Variants in ERC1 observed in about 807,000 individuals in gnomAD.
The protein encoded by ERC1 is RAB6 interacting protein 2.
Under a neutral mutation model 132.0 loss-of-function variants are expected in ERC1, and 56 were observed. The ratio of observed to expected loss-of-function variants is 0.42; its 90% confidence interval spans 0.34 to 0.53. The LOEUF is 0.53. Among genes scored for constraint, ERC1 ranks in the 20% least tolerant of loss-of-function variants. The pLI is 0.03. For missense variants in ERC1, 1,202 were observed against 1,349.9 expected, an observed-to-expected ratio of 0.89 and a Z score of 1.72; for synonymous variants, 478 against 476.1, an observed-to-expected ratio of 1.00 and a Z score of -0.05.
intron 8 of ERC1, among the ~76,000 whole-genome samples, chr12:1,172,401 A>T (rs1263501180): frequency 1.3e-5 from 2 of 152,172 alleles, no homozygotes; most frequent in African/African-American, 4.8e-5. Context: ...TCAGGAGTTC[A>T]AGGATGCAGT....
At chr12:1,303,133 A>G (rs1046845025) in intron 15 of ERC1, among the ~76,000 whole-genome samples, 3 of 152,132 alleles carry the variant, frequency 2.0e-5, no homozygotes, top group South Asian at 2.1e-4. Context: ...TCCTGCCTCT[A>G]TCTTGATGGC....
chr12:1,399,673 T>C (rs1194186383), intron 16 of ERC1, among the ~76,000 whole-genome samples: 1 of 152,234 alleles, frequency 6.6e-6, no homozygotes, highest in East Asian at 1.9e-4. Flanking sequence ...TTCTTTAACT[T>C]GGCATCATGT....
intron 8 of ERC1, among the ~76,000 whole-genome samples, chr12:1,164,499 A>G (rs111869605): frequency 0.051 from 6,890 of 135,988 alleles, 517 homozygotes; most frequent in African/African-American, 0.17. Flanking sequence ...CCGCCACCGC[A>G]CCCAGATAAT....
chr12:1,138,130 TATATA>T (rs1490885090), intron 7 of ERC1, among the ~76,000 whole-genome samples: 12 of 113,390 alleles, frequency 1.1e-4, no homozygotes, highest in African/African-American at 1.5e-4. Flanking sequence ...ATACATATTA[TATATA>T]ATATAATTAT....
intron 2 of ERC1, among the ~76,000 whole-genome samples, chr12:1,063,849 T>C (rs2154177266): frequency 6.6e-6 from 1 of 152,322 alleles, no homozygotes; most frequent in Non-Finnish European, 1.5e-5. Context: ...AGTTTCTCTT[T>C]CTCATTTGTA....
At chr12:1,419,633 G>C (rs1024326775) in intron 17 of ERC1, among the ~76,000 whole-genome samples, 1 of 151,616 alleles carries the variant, frequency 6.6e-6, no homozygotes, top group South Asian at 2.1e-4. Flanking sequence ...ATAAAACCTT[G>C]TGAAAAACCA....
chr12:1,225,000 GA>G (rs1340100760), intron 12 of ERC1, among the ~76,000 whole-genome samples: 1 of 151,796 alleles, frequency 6.6e-6, no homozygotes, highest in African/African-American at 2.4e-5. Flanking sequence ...AGAAAGAAAA[GA>G]AAAGAAAATG....
At chr12:1,391,814 T>A (rs2089984134) in intron 16 of ERC1, among the ~76,000 whole-genome samples, 1 of 152,234 alleles carries the variant, frequency 6.6e-6, no homozygotes, top group African/African-American at 2.4e-5. Flanking sequence ...GAGAGTGGGC[T>A]CCTGTTGAAG....
chr12:1,331,118 CAG>C (rs1293864786), intron 15 of ERC1, among the ~76,000 whole-genome samples: 8 of 152,162 alleles, frequency 5.3e-5, no homozygotes, highest in African/African-American at 1.9e-4. Context: ...AATCAAGAAA[CAG>C]AATATTCCCA....
At chr12:1,241,654 TAC>T (rs1491346487) in intron 13 of ERC1, among the ~76,000 whole-genome samples, 1 of 152,068 alleles carries the variant, frequency 6.6e-6, no homozygotes, top group Non-Finnish European at 1.5e-5. Flanking sequence ...TAACTTAACT[TAC>T]AAAACATAGA....
intron 1 of ERC1, among the ~76,000 whole-genome samples, chr12:1,006,036 C>T (rs1963510572): frequency 6.6e-6 from 1 of 151,460 alleles, no homozygotes; most frequent in Non-Finnish European, 1.5e-5. Flanking sequence ...TGGCTCACTG[C>T]AACCTCTGCT....
In ERC1 at chr12:1,189,943, A is replaced by C. The variant is rs2154276844; in HGVS notation, c.2242A>C (p.Lys748Gln). Residue 748 changes from lysine (K) to glutamine (Q), a missense_variant, in exon 12 of 19, where the codon AAA (lysine) becomes CAA (glutamine). Transcript: ENST00000360905. ...CTTGGAGAGAGAGATCACCAGGTACAAAGATGAATCTAGCAAGGCCCAGGC... is the reference window on the plus strand; with the variant it reads ...CTTGGAGAGAGAGATCACCAGGTACCAAGATGAATCTAGCAAGGCCCAGGC... ...QHLEREITRY[K>Q]DESSKAQAEV... is the part of the protein sequence containing the mutation. 1 of 1,614,184 alleles carries C rather than the reference A, an allele frequency of 6.2e-7. No homozygotes were observed. The highest frequency in any genetic ancestry group is 1.1e-5 in the South Asian group (1 of 91,076).
At chr12:1,135,996 A>G (rs919710149) in intron 7 of ERC1, among the ~76,000 whole-genome samples, 8 of 152,230 alleles carry the variant, frequency 5.3e-5, no homozygotes, top group African/African-American at 1.7e-4. Flanking sequence ...GGAGACTGTT[A>G]AGATATAATG....
At chr12:1,016,499 CAT>C (rs1347155906) in intron 1 of ERC1, among the ~76,000 whole-genome samples, 4 of 152,124 alleles carry the variant, frequency 2.6e-5, no homozygotes, top group Admixed American at 6.6e-5. Flanking sequence ...TAAAGGCTAA[CAT>C]ATAATCATTG....
chr12:1,156,030 T>TAGAAAC (rs1431462848), intron 8 of ERC1, among the ~76,000 whole-genome samples: 2 of 152,104 alleles, frequency 1.3e-5, no homozygotes, highest in Non-Finnish European at 2.9e-5. Context: ...ATATCAAGCA[T>TAGAAAC]TTATGTGTTA....
In ERC1 at chr12:1,444,366, G is replaced by A. The variant is rs7955243; in HGVS notation, c.3025-196G>A. ...TCCTGTCTCCCAGAAGGGCGGCTGC[G>A]TGTGACAGCGTAAATGTGTGACAGT... On this transcript the variant is annotated intron_variant, in intron 17 of 18. Coordinates refer to ENST00000360905, the MANE Select transcript of ERC1 (RefSeq NM_178040.4). 2.2e-3 allele frequency: 1,021 copies of A among 470,076 alleles called. 13 individuals are homozygous for A. The highest frequency in any genetic ancestry group is 0.019 in the African/African-American group (966 of 50,906). The allele number at this position is 470,076 out of a possible 1,614,324, so 29.1% of individuals were successfully genotyped here. A position where few individuals can be genotyped will look rare whatever the true frequency, so the allele number is the denominator to read the frequency against.
intron 15 of ERC1, among the ~76,000 whole-genome samples, chr12:1,350,473 C>T (rs183823546): frequency 6.6e-6 from 1 of 152,116 alleles, no homozygotes; most frequent in African/African-American, 2.4e-5. Context: ...CTGTACTGAC[C>T]CAAGCCTCAT....
chr12:1,166,021 GACTGTGA>G (rs1429872870), intron 8 of ERC1, among the ~76,000 whole-genome samples: 1 of 152,018 alleles, frequency 6.6e-6, no homozygotes, highest in Non-Finnish European at 1.5e-5. Context: ...TGAGACCTTC[GACTGTGA>G]ACTTTTGAGC....
At chr12:1,223,071 A>G (rs73025634) in intron 12 of ERC1, among the ~76,000 whole-genome samples, 4,635 of 152,312 alleles carry the variant, frequency 0.03, 92 homozygotes, top group South Asian at 0.058. Context: ...ATGAGCACCT[A>G]TAAACCACAA....
Sources: allele counts gnomAD v4.1 joint callset (sites outside exome capture counted in the v4.1 genomes callset), GRCh38; gene constraint gnomAD v4.1.1; transcripts MANE v1.5; gene names NCBI Gene and HGNC (gene_info 2026-07-23, HGNC 2026-07-21).